The following KAT8 variants were observed in gnomAD, a reference collection of about 807,000 sequenced individuals.
The protein encoded by KAT8 is lysine acetyltransferase 8.
Under a neutral mutation model 62.9 loss-of-function variants are expected in KAT8, and 40 were observed. The ratio of observed to expected loss-of-function variants is 0.64; its 90% confidence interval spans 0.49 to 0.83. The LOEUF (loss-of-function observed/expected upper bound fraction) is 0.83, where lower values mean the gene tolerates loss of function less well. Among genes scored for constraint, KAT8 ranks in the 40% least tolerant of loss-of-function variants. KAT8 has a pLI of 0.00. For synonymous variants in KAT8, 278 were observed against 254.5 expected (o/e 1.09, Z -0.88); for missense variants, 387 against 614.8 (o/e 0.63, Z 3.92).
chr16:31,119,614 G>A (rs2143965013), intron 1 of KAT8, among the ~76,000 whole-genome samples: 1 of 152,188 alleles, frequency 6.6e-6, no homozygotes, highest in East Asian at 1.9e-4. Flanking sequence ...GTGACCCTAG[G>A]TAAGCCTCAG....
At chr16:31,119,310 C>T (rs2057475457) in intron 1 of KAT8, among the ~76,000 whole-genome samples, 1 of 152,032 alleles carries the variant, frequency 6.6e-6, no homozygotes, top group Non-Finnish European at 1.5e-5. Flanking sequence ...CCACCACACC[C>T]AGCTAATTTT....
intron 1 of KAT8, 28 bp downstream of exon 1, chr16:31,117,920 G>C: frequency 7.6e-7 from 1 of 1,310,810 alleles, no homozygotes; most frequent in Non-Finnish European, 9.8e-7. Context: ...GGCTGGGGGC[G>C]GGGCGGAGCT....
intron 5 of KAT8, 45 bp from the exon 6 acceptor site, chr16:31,128,005 C>A: frequency 6.8e-7 from 1 of 1,465,066 alleles, no homozygotes. Context: ...TGCCTCCTAG[C>A]AGAGAACATA....
rs754979259 is a variant in KAT8 at position 31,130,931 on chromosome 16, G to A, written c.1312+31G>A. The A allele has an allele frequency of 2.4e-5, 39 of 1,596,442 alleles. 1 individual carries two copies. The highest frequency in any genetic ancestry group is 1.0e-4 in the Admixed American group (6 of 58,064). Reference sequence around the variant, plus strand: ...TGGGGGGCTGCTGTGTGTCGGGGGCGGTGGGGGAGTGTCAGTATATGGACT... The same window carrying A: ...TGGGGGGCTGCTGTGTGTCGGGGGCAGTGGGGGAGTGTCAGTATATGGACT... On this transcript the variant is annotated intron_variant, in intron 10 of 10. Transcript: ENST00000219797.
In KAT8 at chr16:31,127,016, C is replaced by T. The variant is rs2057536384; in HGVS notation, c.463-19C>T. 1 of 1,614,170 alleles carries T rather than the reference C, an allele frequency of 6.2e-7. No individual in the cohort carries two copies. The highest frequency in any genetic ancestry group is 8.5e-7 in the Non-Finnish European group (1 of 1,180,010). On this transcript the variant is annotated intron_variant, in intron 3 of 10. Coordinates refer to ENST00000219797, the MANE Select transcript of KAT8 (RefSeq NM_032188.3). ...CACCACTTCTGTTCACCTCTGCCCA[C>T]TTTTCTTTCCTGGCCCAGACTTATG...
intron 3 of KAT8, among the ~76,000 whole-genome samples, chr16:31,125,320 G>A (rs1163295798): frequency 2.0e-5 from 3 of 151,778 alleles, no homozygotes; most frequent in East Asian, 3.9e-4. Flanking sequence ...TTGAAATAAC[G>A]CAGCTGGGTG....
chr16:31,126,411 C>T (rs1411196141), intron 3 of KAT8: 3 of 154,104 alleles, frequency 1.9e-5, no homozygotes, highest in Non-Finnish European at 2.9e-5. Flanking sequence ...TGTATTAGGA[C>T]TTGGCCAGGC....
chr16:31,118,136 G>A, intron 1 of KAT8: 1 of 390,970 alleles, frequency 2.6e-6, no homozygotes, highest in Non-Finnish European at 4.5e-6. Context: ...CCTTCACCAG[G>A]ATTGTTCCCA....
chr16:31,128,959 C>T (rs985998497), intron 6 of KAT8, among the ~76,000 whole-genome samples: 8 of 152,306 alleles, frequency 5.3e-5, no homozygotes, highest in Non-Finnish European at 7.4e-5. Flanking sequence ...ACTGGTTTCC[C>T]GCAGATGGGC....
intron 6 of KAT8, among the ~76,000 whole-genome samples, chr16:31,128,844 C>T (rs1187920148): frequency 6.6e-6 from 1 of 152,168 alleles, no homozygotes; most frequent in African/African-American, 2.4e-5. Flanking sequence ...TTGTTCCTGG[C>T]CCCGAATGAC....
intron 6 of KAT8, among the ~76,000 whole-genome samples, chr16:31,129,328 C>T (rs1395531853): frequency 1.3e-5 from 2 of 152,166 alleles, no homozygotes; most frequent in Non-Finnish European, 2.9e-5. Flanking sequence ...AGCAGAAGGG[C>T]CCCCGCTGGA....
At chr16:31,126,705 A>C (rs932279453) in intron 3 of KAT8, 12 of 323,354 alleles carry the variant, frequency 3.7e-5, no homozygotes, top group African/African-American at 2.3e-4. Context: ...CTGTTATTTC[A>C]TTTGAGTCTC....
intron 6 of KAT8, 123 bp downstream of exon 6, chr16:31,128,262 G>A: frequency 2.7e-6 from 2 of 742,428 alleles, no homozygotes; most frequent in Non-Finnish European, 2.3e-6. Context: ...GAATGCCTCT[G>A]AGGGGCCGGG....
At position 31,117,878 on chromosome 16, in the gene KAT8, C is replaced by T; in HGVS notation, c.197C>T (p.Pro66Leu). The T allele has an allele frequency of 7.5e-7, 1 of 1,331,926 alleles. No homozygotes were observed. The highest frequency in any genetic ancestry group is 1.6e-5 in the African/African-American group (1 of 64,168). The allele number at this position is 1,331,926 out of a possible 1,614,324, so 82.5% of individuals were successfully genotyped here. ...EIGETYLCRRPDSTWHSAEVI... is the reference protein window; with the variant it reads ...EIGETYLCRRLDSTWHSAEVI... ...GGAGAAACGTACCTGTGCCGGCGAC[C>T]GGATAGCACCTGGCGTGAGGGCGGG... is the stretch of plus-strand genomic sequence containing the variant. Residue 66 changes from proline (P) to leucine (L), a missense_variant, in exon 1 of 11, where the codon CCG becomes CTG. By Grantham distance (98) the Pro-to-Leu change is moderately conservative. This residue lies in a region of KAT8 where 69 missense variants were observed against 127.0 expected (regional missense o/e 0.54). Transcript: ENST00000219797.
At position 31,131,102 on chromosome 16, in the gene KAT8, G is replaced by A. The variant is rs1253027956; in HGVS notation, c.1313-93G>A. 10 of 1,564,254 alleles carry A rather than the reference G, an allele frequency of 6.4e-6. No individual in the cohort carries two copies. In the African/African-American group the frequency reaches 1.1e-4, roughly 17 times the overall value. On this transcript the variant is annotated intron_variant, in intron 10 of 10. Transcript: ENST00000219797. Reference sequence around the variant, plus strand: ...CCTGCCCTTTTGTTCTCACCTGGAGGAGGTGAAACTGGCCTGAGCCCAGAG... The same window carrying A: ...CCTGCCCTTTTGTTCTCACCTGGAGAAGGTGAAACTGGCCTGAGCCCAGAG...
chr16:31,130,332 C>A lies in KAT8; in HGVS notation c.978C>A (p.Arg326=). ...TGACCTTGCCCCCCTACCAACGCCG[C>A]GGCTACGGGAAGTTCCTCATCGCTT... is the stretch of plus-strand genomic sequence containing the variant. The part of the protein sequence containing the change: ...CILTLPPYQR[R]GYGKFLIAFS... Residue 326 remains arginine, a synonymous_variant, in exon 8 of 11, where the codon CGC becomes CGA. Coordinates refer to ENST00000219797, the MANE Select transcript of KAT8 (RefSeq NM_032188.3). 6.2e-7 allele frequency: 1 copy of A among 1,614,224 alleles called. No homozygotes were observed. The highest frequency in any genetic ancestry group is 1.3e-5 in the African/African-American group (1 of 75,058).
chr16:31,127,392 C>T (rs200555655), intron 5 of KAT8, 39 bp downstream of exon 5: 52 of 1,607,872 alleles, frequency 3.2e-5, no homozygotes, highest in African/African-American at 4.0e-5. Flanking sequence ...GGCAGGGGCC[C>T]GGTGAGAGGC....
chr16:31,129,711 G>A (rs374265530), intron 6 of KAT8, among the ~76,000 whole-genome samples: 7 of 152,306 alleles, frequency 4.6e-5, no homozygotes, highest in East Asian at 3.9e-4. Flanking sequence ...TCAGTTTCAC[G>A]AGCTGAAACA....
chr16:31,117,717 G>C lies in KAT8; in HGVS notation c.36G>C (p.Ala12=). The change falls in exon 1 of 11, where the codon GCG becomes GCC. Residue 12 remains alanine (A), a synonymous_variant. Coordinates refer to ENST00000219797, the MANE Select transcript of KAT8 (RefSeq NM_032188.3). ...AAQGAAAAVA[A]GTSGVAGEGE... Reference sequence around the variant, plus strand: ...AGGGAGCTGCTGCGGCGGTTGCGGCGGGGACTTCAGGGGTCGCGGGGGAGG... The same window carrying C: ...AGGGAGCTGCTGCGGCGGTTGCGGCCGGGACTTCAGGGGTCGCGGGGGAGG... 2 of 1,382,652 alleles carry C rather than the reference G, an allele frequency of 1.4e-6. No individual in the cohort carries two copies. Among genetic ancestry groups the C allele is most frequent in the Non-Finnish European group, 1.9e-6 (2 of 1,062,968 alleles). 85.6% of individuals were successfully genotyped at this position (1,382,652 alleles called of 1,614,324 possible). A position where few individuals can be genotyped will look rare whatever the true frequency, so the allele number is the denominator to read the frequency against.
Sources: allele counts gnomAD v4.1 joint callset (sites outside exome capture counted in the v4.1 genomes callset), GRCh38; gene constraint gnomAD v4.1.1; regional missense constraint gnomAD v4.1.1; transcripts MANE v1.5; gene names NCBI Gene and HGNC (gene_info 2026-07-23, HGNC 2026-07-21).